The following NOVA1 variants were observed in gnomAD, a reference collection of about 807,000 sequenced individuals.
NOVA1 encodes the protein RNA-binding protein Nova-1.
Under a neutral mutation model 38.0 loss-of-function variants are expected in NOVA1, and 7 were observed. That is an observed-to-expected ratio of 0.18 (90% confidence interval 0.10 to 0.35). The LOEUF (loss-of-function observed/expected upper bound fraction) is 0.35, where lower values mean the gene tolerates loss of function less well. NOVA1 is among the 10% of genes least tolerant of loss of function. The pLI is 1.00. For missense variants in NOVA1, 460 were observed against 616.0 expected, an observed-to-expected ratio of 0.75 and a Z score of 2.68; for synonymous variants, 270 against 232.5, an observed-to-expected ratio of 1.16 and a Z score of -1.47.
At chr14:26,504,777 T>TTA (rs1887505122) in intron 2 of NOVA1, among the ~76,000 whole-genome samples, 4 of 148,280 alleles carry the variant, frequency 2.7e-5, no homozygotes, top group Admixed American at 2.7e-4. Context: ...GACAGTAAGT[T>TTA]AAAAAAAAAA....
intron 2 of NOVA1, among the ~76,000 whole-genome samples, chr14:26,495,831 A>AT (rs1311624154): frequency 7.4e-6 from 1 of 135,364 alleles, no homozygotes; most frequent in Non-Finnish European, 1.6e-5. Flanking sequence ...TGAACTCATC[A>AT]TTTTTTATGG....
chr14:26,509,733 T>C (rs1016829861), intron 2 of NOVA1, among the ~76,000 whole-genome samples: 3 of 152,118 alleles, frequency 2.0e-5, no homozygotes, highest in Non-Finnish European at 2.9e-5. Flanking sequence ...TAGGCTGGAG[T>C]GCAATGGCAT....
At chr14:26,461,187 C>A (rs991137069) in intron 4 of NOVA1, among the ~76,000 whole-genome samples, 48 of 152,098 alleles carry the variant, frequency 3.2e-4, no homozygotes, top group African/African-American at 1.1e-3. Context: ...TGCATTTTAC[C>A]AATGCCTGAG....
chr14:26,490,823 G>C (rs1258170028), intron 2 of NOVA1, among the ~76,000 whole-genome samples: 1 of 148,396 alleles, frequency 6.7e-6, no homozygotes, highest in Non-Finnish European at 1.5e-5. Flanking sequence ...CTACAGGTGC[G>C]CACCATCACA....
chr14:26,507,546 T>C (rs1015441637), intron 2 of NOVA1, among the ~76,000 whole-genome samples: 1 of 152,284 alleles, frequency 6.6e-6, no homozygotes, highest in African/African-American at 2.4e-5. Flanking sequence ...ATCAGTATAT[T>C]TCATTATTTT....
intron 2 of NOVA1, among the ~76,000 whole-genome samples, chr14:26,555,232 C>G (rs958132329): frequency 6.6e-6 from 1 of 152,042 alleles, no homozygotes; most frequent in Non-Finnish European, 1.5e-5. Flanking sequence ...CATGCTCTCT[C>G]CAGGCATTTA....
chr14:26,455,341 T>C (rs1255809888), intron 4 of NOVA1, among the ~76,000 whole-genome samples: 1 of 152,142 alleles, frequency 6.6e-6, no homozygotes, highest in African/African-American at 2.4e-5. Context: ...TAAAGCATAG[T>C]GTAGTATAAT....
At chr14:26,545,658 T>C (rs1890744952) in intron 2 of NOVA1, among the ~76,000 whole-genome samples, 2 of 152,256 alleles carry the variant, frequency 1.3e-5, no homozygotes, top group East Asian at 3.9e-4. Context: ...TTTATTGTTT[T>C]TTCCTCACAA....
chr14:26,571,660 T>A (rs1267070871), intron 2 of NOVA1, among the ~76,000 whole-genome samples: 1 of 152,184 alleles, frequency 6.6e-6, no homozygotes. Flanking sequence ...AGGTTTTAAC[T>A]GTGTAGTAGA....
chr14:26,475,902 T>C (rs1884948033), intron 3 of NOVA1, among the ~76,000 whole-genome samples: 1 of 152,158 alleles, frequency 6.6e-6, no homozygotes, highest in South Asian at 2.1e-4. Flanking sequence ...CAGAGCTTGC[T>C]TTCAAGCAAG....
intron 4 of NOVA1, chr14:26,470,521 T>A (rs763963072): frequency 2.2e-6 from 3 of 1,389,954 alleles, no homozygotes; most frequent in African/African-American, 2.8e-5. Flanking sequence ...AAACAGAGTA[T>A]AAGTAACAAT....
chr14:26,539,389 T>C lies in NOVA1; in HGVS notation c.280+56021A>G, dbSNP rs182529571. On this transcript the variant is annotated intron_variant, in intron 2 of 4. Transcript: ENST00000539517. Reference sequence around the variant, plus strand: ...ACGTTAATATAAATACAGACAAATCTGGAAAACAAAACATACAGGCTTCAG... The same window carrying C: ...ACGTTAATATAAATACAGACAAATCCGGAAAACAAAACATACAGGCTTCAG... Among the ~76,000 whole-genome samples the C allele has an allele frequency of 9.7e-4, 148 of 152,222 alleles. 4 individuals carry two copies. The East Asian group carries it at 0.023, about 24-fold the overall frequency.
At chr14:26,460,579 G>A (rs1296164329) in intron 4 of NOVA1, among the ~76,000 whole-genome samples, 1 of 151,866 alleles carries the variant, frequency 6.6e-6, no homozygotes, top group African/African-American at 2.4e-5. Flanking sequence ...CCAATAAAAT[G>A]AATTATATGG....
chr14:26,474,016 C>T (rs1481887811), intron 3 of NOVA1, among the ~76,000 whole-genome samples: 2 of 151,930 alleles, frequency 1.3e-5, no homozygotes, highest in Non-Finnish European at 2.9e-5. Context: ...ATGCTAATGA[C>T]TCCATGCTAT....
At chr14:26,490,523 T>C (rs993100007) in intron 2 of NOVA1, among the ~76,000 whole-genome samples, 2 of 152,220 alleles carry the variant, frequency 1.3e-5, no homozygotes, top group East Asian at 1.9e-4. Flanking sequence ...TTTTTAGTAA[T>C]AGCCATCCTA....
intron 2 of NOVA1, among the ~76,000 whole-genome samples, chr14:26,574,631 C>T (rs769095748): frequency 6.6e-6 from 1 of 151,934 alleles, no homozygotes; most frequent in Non-Finnish European, 1.5e-5. Context: ...ACTTTAATTT[C>T]AAATGTTTTA....
intron 2 of NOVA1, among the ~76,000 whole-genome samples, chr14:26,559,010 G>A (rs1368457780): frequency 6.6e-6 from 1 of 151,894 alleles, no homozygotes; most frequent in East Asian, 1.9e-4. Flanking sequence ...AACTTATAGG[G>A]AGAAGATCAT....
intron 2 of NOVA1, among the ~76,000 whole-genome samples, chr14:26,540,471 A>G (rs1660409008): frequency 6.6e-6 from 1 of 152,202 alleles, no homozygotes; most frequent in African/African-American, 2.4e-5. Flanking sequence ...TTTTGCCACA[A>G]TTATTTCCTC....
intron 2 of NOVA1, among the ~76,000 whole-genome samples, chr14:26,584,126 TG>T (rs1397458271): frequency 6.6e-6 from 1 of 151,552 alleles, no homozygotes; most frequent in African/African-American, 2.4e-5. Flanking sequence ...CATAGAAATC[TG>T]TCATTCACTA....
Sources: allele counts gnomAD v4.1 joint callset (sites outside exome capture counted in the v4.1 genomes callset), GRCh38; gene constraint gnomAD v4.1.1; transcripts MANE v1.5; gene names NCBI Gene and HGNC (gene_info 2026-07-23, HGNC 2026-07-21).